NAPG: variants seen among roughly 807,000 people sequenced by gnomAD.
NAPG encodes the protein NSF attachment protein gamma.
Under a neutral mutation model 48.4 loss-of-function variants are expected in NAPG, and 25 were observed. The observed-to-expected ratio is 0.52, with a 90% CI of 0.38 to 0.72. NAPG has a LOEUF of 0.72. NAPG is among the 30% of genes least tolerant of loss of function. The probability of loss-of-function intolerance (pLI) is 0.00; values close to 1 mark genes in which losing one functional copy is unlikely to be tolerated. For synonymous variants in NAPG, 139 were observed against 127.2 expected (o/e 1.09, Z -0.62); for missense variants, 359 against 372.5 (o/e 0.96, Z 0.30).
chr18:10,526,330 T>G, intron 1 of NAPG, 172 bp downstream of exon 1: 1 of 646,070 alleles, frequency 1.5e-6, no homozygotes, highest in East Asian at 2.8e-5. Context: ...ACTCCCGGGG[T>G]CGGGGTCAGC....
In NAPG at chr18:10,542,481, GTTTAT is replaced by G. The variant is rs2032176379; in HGVS notation, c.506+2083_506+2087del. On this transcript the variant is annotated intron_variant, in intron 8 of 11. Coordinates refer to ENST00000322897, the MANE Select transcript of NAPG (RefSeq NM_003826.3). The surrounding 1 kb of genome is among the most constrained non-coding windows in gnomAD (Gnocchi z 4.5). ...TGCAGGATAAGAAAAAACATGCAGT[GTTTAT>G]AGTGATGGAGACATTATTGAGATGA... is the stretch of plus-strand genomic sequence containing the variant. 6.6e-6 allele frequency among the ~76,000 whole-genome samples: 1 copy of G among 152,086 alleles called. No homozygotes were observed. Among genetic ancestry groups the G allele is most frequent in the African/African-American group, 2.4e-5 (1 of 41,418 alleles).
chr18:10,532,611 G>A (rs1385691489), intron 2 of NAPG, 100 bp from the exon 3 acceptor site: 8 of 832,000 alleles, frequency 9.6e-6, no homozygotes, highest in South Asian at 6.4e-5. Flanking sequence ...AGTATTTGAA[G>A]TAAGTATGTT....
rs999082693 is a variant in NAPG at position 10,544,800 on chromosome 18, A to G, written c.507-1526A>G. ...AGAATTCTGCTACCAAACCCAGCTT[A>G]TAAATTGACTTTGTTCCAAAAATTT... On this transcript the variant is annotated intron_variant, in intron 8 of 11. Transcript: ENST00000322897. This position sits in a 1 kb window ranked among gnomAD's most constrained non-coding sequence, Gnocchi z 5.1. Among the ~76,000 whole-genome samples, 12 of 152,238 alleles carry G rather than the reference A, an allele frequency of 7.9e-5. No homozygotes were observed. The highest frequency in any genetic ancestry group is 2.7e-4 in the African/African-American group (11 of 41,468).
At chr18:10,532,001 G>GT (rs1347478789) in intron 2 of NAPG, among the ~76,000 whole-genome samples, 3 of 152,188 alleles carry the variant, frequency 2.0e-5, no homozygotes, top group Non-Finnish European at 4.4e-5. Context: ...TTTTAAGAGT[G>GT]TTTTTAACAA....
Position 10,546,146 on chromosome 18 carries a change from G to T in NAPG, c.507-180G>T, listed in dbSNP as rs1205903107. Among the ~76,000 whole-genome samples the T allele has an allele frequency of 6.6e-6, 1 of 152,164 alleles. No homozygotes were observed. Among genetic ancestry groups the T allele is most frequent in the African/African-American group, 2.4e-5 (1 of 41,430 alleles). Reference sequence around the variant, plus strand: ...CGTGCAGCCTGAAAGTGGGGAGTCAGACATTTGAAAGGTAAGCCAGATGAG... The same window carrying T: ...CGTGCAGCCTGAAAGTGGGGAGTCATACATTTGAAAGGTAAGCCAGATGAG... On this transcript the variant is annotated intron_variant, in intron 8 of 11. Transcript: ENST00000322897. This position sits in a 1 kb window ranked among gnomAD's most constrained non-coding sequence, Gnocchi z 4.0.
At chr18:10,533,301 G>T in intron 3 of NAPG, 1 of 397,598 alleles carries the variant, frequency 2.5e-6, no homozygotes, top group Non-Finnish European at 4.5e-6. Context: ...TCAGATTATT[G>T]CGTAATAGAA....
At position 10,548,941 on chromosome 18, in the gene NAPG, A is replaced by G. The variant is rs780530503; in HGVS notation, c.666-26A>G. 3.1e-6 allele frequency: 5 copies of G among 1,607,240 alleles called. No homozygotes were observed. Among genetic ancestry groups the G allele is most frequent in the Non-Finnish European group, 4.3e-6 (5 of 1,175,662 alleles). On this transcript the variant is annotated intron_variant, in intron 10 of 11. Transcript: ENST00000322897. This position sits in a 1 kb window ranked among gnomAD's most constrained non-coding sequence, Gnocchi z 4.4. Reference sequence around the variant, plus strand: ...ATGTGTTCTTTTAAGGAGAAGGTGAAGACGTGTGATTTGTGCTTACTGCAG... The same window carrying G: ...ATGTGTTCTTTTAAGGAGAAGGTGAGGACGTGTGATTTGTGCTTACTGCAG...
chr18:10,544,975 GGTGT>G lies in NAPG; in HGVS notation c.507-1340_507-1337del, dbSNP rs916374705. 9.9e-4 allele frequency among the ~76,000 whole-genome samples: 151 copies of G among 151,898 alleles called. No individual in the cohort carries two copies. Among genetic ancestry groups the G allele is most frequent in the African/African-American group, 3.5e-3 (145 of 41,442 alleles). On this transcript the variant is annotated intron_variant, in intron 8 of 11. Transcript: ENST00000322897. The surrounding 1 kb of genome is among the most constrained non-coding windows in gnomAD (Gnocchi z 5.1). The stretch of plus-strand genomic sequence containing the variant: ...GCATAAGCCAAGCCACTGTGTGTGT[GGTGT>G]GTGTGTGTGTCTGTGTATACATGCC...
At chr18:10,526,347 G>A in intron 1 of NAPG, 189 bp downstream of exon 1, 2 of 591,882 alleles carry the variant, frequency 3.4e-6, no homozygotes, top group Non-Finnish European at 2.9e-6. Flanking sequence ...CAGCTCTGCG[G>A]CGCCTCGGGA....
At chr18:10,536,117 C>T (rs2032027238) in intron 5 of NAPG, among the ~76,000 whole-genome samples, 1 of 152,170 alleles carries the variant, frequency 6.6e-6, no homozygotes, top group Non-Finnish European at 1.5e-5. Flanking sequence ...AGACTTGAAT[C>T]TTCATCAAAA....
At position 10,542,688 on chromosome 18, in the gene NAPG, T is replaced by C. The variant is rs536660794; in HGVS notation, c.506+2289T>C. ...TTGTTATATTTAGTTAGTGCACTTA[T>C]GTTTTTACATTAACATGAGTCCATA... On this transcript the variant is annotated intron_variant, in intron 8 of 11. Transcript: ENST00000322897. The surrounding 1 kb of genome is among the most constrained non-coding windows in gnomAD (Gnocchi z 4.5). Among the ~76,000 whole-genome samples the C allele has an allele frequency of 1.2e-4, 18 of 152,354 alleles. No individual in the cohort carries two copies. The East Asian group carries it at 1.5e-3, about 13-fold the overall frequency.
At chr18:10,547,490 A>G (rs2032293141) in intron 9 of NAPG, among the ~76,000 whole-genome samples, 1 of 152,228 alleles carries the variant, frequency 6.6e-6, no homozygotes, top group African/African-American at 2.4e-5. Flanking sequence ...AAGTTGCTCC[A>G]TGAGGTAAAG....
rs768442135 is a variant in NAPG at position 10,549,107 on chromosome 18, C to T, written c.795+11C>T. On this transcript the variant is annotated intron_variant, in intron 11 of 11. Coordinates refer to ENST00000322897, the MANE Select transcript of NAPG (RefSeq NM_003826.3). ...TACATGGACAATGATGTAAGTGGACCCATTTGCATAGCTTTCATCTTTTCT... is the reference window on the plus strand; with the variant it reads ...TACATGGACAATGATGTAAGTGGACTCATTTGCATAGCTTTCATCTTTTCT... The T allele has an allele frequency of 1.2e-6, 2 of 1,603,470 alleles. No individual in the cohort carries two copies. Among genetic ancestry groups the T allele is most frequent in the East Asian group, 4.5e-5 (2 of 44,572 alleles).
intron 2 of NAPG, 82 bp from the exon 3 acceptor site, chr18:10,532,629 C>A: frequency 9.6e-7 from 1 of 1,046,568 alleles, no homozygotes; most frequent in Non-Finnish European, 1.4e-6. Context: ...GTTTATAATA[C>A]TTCATATAAA....
intron 8 of NAPG, 119 bp downstream of exon 8, chr18:10,540,518 G>A (rs1315828902): frequency 4.4e-6 from 3 of 675,672 alleles, no homozygotes; most frequent in Non-Finnish European, 7.6e-6. Flanking sequence ...GACACACCAG[G>A]CCACACAATA....
intron 1 of NAPG, chr18:10,526,425 T>G: frequency 2.1e-6 from 1 of 482,214 alleles, no homozygotes. Flanking sequence ...CTCGGCGCAG[T>G]GCTGCGGGGC....
intron 7 of NAPG, 97 bp from the exon 8 acceptor site, chr18:10,540,232 G>C (rs2032123254): frequency 8.7e-7 from 1 of 1,152,054 alleles, no homozygotes; most frequent in Non-Finnish European, 1.3e-6. Context: ...TTCCCCCCTT[G>C]ATCCAGTGCC....
intron 2 of NAPG, among the ~76,000 whole-genome samples, chr18:10,531,428 T>A (rs984827439): frequency 6.6e-6 from 1 of 152,220 alleles, no homozygotes; most frequent in Non-Finnish European, 1.5e-5. Flanking sequence ...TACAGAATGA[T>A]AGCTTTAAGC....
Position 10,544,969 on chromosome 18 carries a change from G to A in NAPG, c.507-1357G>A, listed in dbSNP as rs952403965. On this transcript the variant is annotated intron_variant, in intron 8 of 11. Coordinates refer to ENST00000322897, the MANE Select transcript of NAPG (RefSeq NM_003826.3). This position sits in a 1 kb window ranked among gnomAD's most constrained non-coding sequence, Gnocchi z 5.1. ...ATAATAGCATAAGCCAAGCCACTGT[G>A]TGTGTGGTGTGTGTGTGTGTCTGTG... Among the ~76,000 whole-genome samples, 3 of 152,150 alleles carry A rather than the reference G, an allele frequency of 2.0e-5. No homozygotes were observed. The highest frequency in any genetic ancestry group is 7.2e-5 in the African/African-American group (3 of 41,416).
Sources: gnomAD v4.1 joint callset for allele counts (sites outside exome capture counted in the v4.1 genomes callset) on GRCh38, gnomAD v4.1.1 for gene constraint, Gnocchi (gnomAD v3.1) non-coding constraint, MANE v1.5 for transcripts, NCBI Gene and HGNC (gene_info 2026-07-23, HGNC 2026-07-21) for gene names.